Variants in RASSF3 observed in about 807,000 individuals in gnomAD.
RASSF3 encodes Ras association domain family member 3, also known as ras association domain-containing protein 3.
RASSF3 carries 19 observed loss-of-function variants against 19.9 expected under a neutral mutation model. The observed-to-expected ratio is 0.96, with a 90% CI of 0.67 to 1.40. The LOEUF (loss-of-function observed/expected upper bound fraction) is 1.40, where lower values mean the gene tolerates loss of function less well. Ranked by LOEUF, RASSF3 falls within the 40% of genes most tolerant of loss-of-function variation. RASSF3 has a pLI of 0.00. For missense variants in RASSF3, 306 were observed against 289.8 expected (o/e 1.06, Z -0.41); for synonymous variants, 110 against 104.2 (o/e 1.06, Z -0.34).
At chr12:64,653,246 G>A (rs778115739) in intron 1 of RASSF3, among the ~76,000 whole-genome samples, 93 of 152,070 alleles carry the variant, frequency 6.1e-4, no homozygotes, top group Middle Eastern at 3.4e-3. Context: ...ATTTTTTTAT[G>A]TTTTAAAATT....
rs555334460 is a variant in RASSF3 at position 64,555,239 on chromosome 12, CA to C, written c.294+13547del. Among the ~76,000 whole-genome samples, 1,157 of 139,854 alleles carry C rather than the reference CA, an allele frequency of 8.3e-3. 7 individuals carry two copies. The highest frequency in any genetic ancestry group is 0.025 in the African/African-American group (967 of 38,316). 91.7% of individuals were successfully genotyped at this position (139,854 alleles called of 152,430 possible). A position where few individuals can be genotyped will look rare whatever the true frequency, so the allele number is the denominator to read the frequency against. On this transcript the variant is annotated intron_variant, in intron 2 of 5. Coordinates refer to the RASSF3 transcript ENST00000637125. Reference sequence around the variant, plus strand: ...AGTGGGTGACAGAGTCAGACTCTGTCAAAAAAAAAAAAATTTGATTCTAGAA... The same window carrying C: ...AGTGGGTGACAGAGTCAGACTCTGTCAAAAAAAAAAAATTTGATTCTAGAA...
rs573916878 is a variant in RASSF3 at position 64,645,536 on chromosome 12, TAAAG to T, written c.111+34797_111+34800del. Among the ~76,000 whole-genome samples the T allele has an allele frequency of 5.0e-3, 765 of 152,188 alleles. 9 individuals are homozygous for T. The highest frequency in any genetic ancestry group is 0.017 in the African/African-American group (698 of 41,546). The stretch of plus-strand genomic sequence containing the variant: ...TTTTTAAATTATAAAATTTTAAAAA[TAAAG>T]AAATTTTTTTTTATTTTGAGAAGTT... On this transcript the variant is annotated intron_variant, in intron 1 of 4. Transcript: ENST00000542104.
At chr12:64,567,360 C>A (rs1331394883) in intron 2 of RASSF3, among the ~76,000 whole-genome samples, 1 of 152,190 alleles carries the variant, frequency 6.6e-6, no homozygotes, top group Non-Finnish European at 1.5e-5. Context: ...TACCCATCAT[C>A]TCCTCTGGTT....
At chr12:64,608,877 A>G (rs1160893898), upstream of RASSF3, among the ~76,000 whole-genome samples, 2 of 152,192 alleles carry the variant, frequency 1.3e-5, no homozygotes, top group Non-Finnish European at 2.9e-5. Context: ...GCTGGGTGAA[A>G]CTATATGGAG....
At chr12:64,581,321 C>T (rs1028614777) in intron 2 of RASSF3, among the ~76,000 whole-genome samples, 7 of 152,180 alleles carry the variant, frequency 4.6e-5, no homozygotes, top group Non-Finnish European at 8.8e-5. Context: ...GAACTCTACA[C>T]GTAGCTTATA....
intron 2 of RASSF3, among the ~76,000 whole-genome samples, chr12:64,581,201 G>A (rs1287843407): frequency 1.3e-5 from 2 of 151,852 alleles, no homozygotes; most frequent in East Asian, 1.9e-4. Flanking sequence ...ATAACTTGAC[G>A]ATAGTAGTTC....
chr12:64,682,700 T>C (rs1266759589), intron 1 of RASSF3, among the ~76,000 whole-genome samples: 1 of 152,096 alleles, frequency 6.6e-6, no homozygotes, highest in Non-Finnish European at 1.5e-5. Context: ...TGACGCAAGT[T>C]CTGTAGTAGC....
chr12:64,625,459 T>A lies in RASSF3; in HGVS notation c.111+14716T>A, dbSNP rs989689164. Among the ~76,000 whole-genome samples, 46 of 151,736 alleles carry A rather than the reference T, an allele frequency of 3.0e-4. 1 individual carries two copies. Among genetic ancestry groups the A allele is most frequent in the African/African-American group, 1.1e-3 (45 of 41,260 alleles). ...CACATTGTACACTTTTTTTTTTTTTTAAACTTCCTCTTTCTCTCTTATCTG... is the reference window on the plus strand; with the variant it reads ...CACATTGTACACTTTTTTTTTTTTTAAAACTTCCTCTTTCTCTCTTATCTG... On this transcript the variant is annotated intron_variant, in intron 1 of 4. Transcript: ENST00000542104.
At chr12:64,620,014 CTG>C (rs68044550) in intron 1 of RASSF3, among the ~76,000 whole-genome samples, 16 of 134,118 alleles carry the variant, frequency 1.2e-4, no homozygotes, top group Admixed American at 3.1e-4. Context: ...TGCAGGTTGA[CTG>C]TGTGTGTGTG....
rs113065463 is a variant in RASSF3 at position 64,670,370 on chromosome 12, G to GTTT, written c.112-14406_112-14404dup. 8.0e-4 allele frequency among the ~76,000 whole-genome samples: 115 copies of GTTT among 143,742 alleles called. 3 individuals carry two copies. The South Asian group carries it at 0.015, about 18-fold the overall frequency. The allele number at this position is 143,742 out of a possible 152,430, so 94.3% of individuals were successfully genotyped here. The stretch of plus-strand genomic sequence containing the variant: ...GCCTTTTTCCCTCCTAGATTTTACT[G>GTTT]TTTTTTTTTTTTTCCTGATTAACAA... On this transcript the variant is annotated intron_variant, in intron 1 of 4. Transcript: ENST00000542104.
chr12:64,673,908 C>G (rs566571899), intron 1 of RASSF3, among the ~76,000 whole-genome samples: 1 of 151,756 alleles, frequency 6.6e-6, no homozygotes, highest in East Asian at 1.9e-4. Flanking sequence ...TTTTCTGGCT[C>G]CAAACAAATG....
intron 2 of RASSF3, among the ~76,000 whole-genome samples, chr12:64,573,427 C>T (rs1156713783): frequency 6.6e-6 from 1 of 152,206 alleles, no homozygotes; most frequent in African/African-American, 2.4e-5. Context: ...ATGTTTACAA[C>T]AATCCAATGG....
chr12:64,529,174 T>G (rs1296812571), upstream of RASSF3, among the ~76,000 whole-genome samples: 1 of 152,234 alleles, frequency 6.6e-6, no homozygotes, highest in Non-Finnish European at 1.5e-5. Context: ...ACTTAGACCT[T>G]AAATGTCTTT....
Position 64,605,271 on chromosome 12 carries a change from C to T in RASSF3, c.294+63566C>T, listed in dbSNP as rs181643493. On this transcript the variant is annotated intron_variant, in intron 2 of 5. Transcript: ENST00000637125. ...AAAGTGCTGGGATTACAGGTGTGAG[C>T]CACCACACCCAGCCTGTCAGAATTT... is the stretch of plus-strand genomic sequence containing the variant. 3.3e-5 allele frequency among the ~76,000 whole-genome samples: 5 copies of T among 152,148 alleles called. No homozygotes were observed. The East Asian group carries it at 5.8e-4, about 18-fold the overall frequency.
At chr12:64,616,346 TA>T (rs1249153948) in intron 1 of RASSF3, among the ~76,000 whole-genome samples, 1 of 152,236 alleles carries the variant, frequency 6.6e-6, no homozygotes, top group Non-Finnish European at 1.5e-5. Context: ...TTATTCTTTT[TA>T]GACTTCCTTT....
chr12:64,557,912 A>G (rs1326448612), intron 2 of RASSF3, among the ~76,000 whole-genome samples: 1 of 152,098 alleles, frequency 6.6e-6, no homozygotes, highest in East Asian at 1.9e-4. Context: ...GTCAGATGCT[A>G]CGTCATAAGT....
chr12:64,622,216 ATTT>A lies in RASSF3; in HGVS notation c.111+11488_111+11490del, dbSNP rs35037944. Among the ~76,000 whole-genome samples, 237 of 134,524 alleles carry A rather than the reference ATTT, an allele frequency of 1.8e-3. 1 individual carries two copies. The highest frequency in any genetic ancestry group is 5.9e-3 in the African/African-American group (214 of 36,376). The allele number at this position is 134,524 out of a possible 152,430, so 88.3% of individuals were successfully genotyped here. On this transcript the variant is annotated intron_variant, in intron 1 of 4. Transcript: ENST00000542104. ...CAGGCATGCACCACCATGTCCAGCT[ATTT>A]TTTTTTTTTTTTTTGTATTTTTAGT...
chr12:64,672,357 C>G (rs1197578872), intron 1 of RASSF3, among the ~76,000 whole-genome samples: 4 of 152,120 alleles, frequency 2.6e-5, no homozygotes, highest in Admixed American at 2.6e-4. Context: ...TCCTGTGTAG[C>G]TGGGATTACA....
At chr12:64,629,141 C>A (rs35648703) in intron 1 of RASSF3, among the ~76,000 whole-genome samples, 6 of 151,210 alleles carry the variant, frequency 4.0e-5, no homozygotes, top group African/African-American at 1.5e-4. Context: ...CTCACTCTGT[C>A]GTCCAGGCTG....
Sources: allele counts gnomAD v4.1 joint callset (sites outside exome capture counted in the v4.1 genomes callset), GRCh38; gene constraint gnomAD v4.1.1; transcripts MANE v1.5; gene names NCBI Gene and HGNC (gene_info 2026-07-23, HGNC 2026-07-21).